Variants in LARP1B observed in about 807,000 individuals in gnomAD.
LARP1B encodes the protein la-related protein 1B.
In LARP1B, 76 loss-of-function variants were observed where a neutral mutation model predicts 114.2. The observed-to-expected ratio is 0.67, with a 90% CI of 0.55 to 0.81. LARP1B has a LOEUF of 0.81. Among genes scored for constraint, LARP1B ranks in the 30% least tolerant of loss-of-function variants. The pLI, the probability that LARP1B is intolerant of heterozygous loss-of-function variation, is 0.00. For missense variants in LARP1B, 1,014 were observed against 1,075.8 expected (o/e 0.94, Z 0.80); for synonymous variants, 345 against 348.0 (o/e 0.99, Z 0.10).
chr4:128,158,752 A>C (rs902078414), intron 11 of LARP1B, among the ~76,000 whole-genome samples: 15 of 152,170 alleles, frequency 9.9e-5, no homozygotes, highest in African/African-American at 3.6e-4. Flanking sequence ...CTTTTTCTGA[A>C]TATTTATTTT....
At chr4:128,213,463 G>T (rs1759252926), downstream of LARP1B, among the ~76,000 whole-genome samples, 1 of 151,814 alleles carries the variant, frequency 6.6e-6, no homozygotes, top group Admixed American at 6.6e-5. Context: ...TTCTAATTTT[G>T]CTTATGTATG....
chr4:128,155,785 C>A, intron 11 of LARP1B: 1 of 1,596,682 alleles, frequency 6.3e-7, no homozygotes, highest in Non-Finnish European at 8.6e-7. Context: ...GACTGACTTC[C>A]TGCAGGCGGA....
chr4:128,137,332 G>C (rs1725797667), intron 11 of LARP1B, among the ~76,000 whole-genome samples: 3 of 152,242 alleles, frequency 2.0e-5, no homozygotes, highest in South Asian at 4.1e-4. Flanking sequence ...TTACAGCTCT[G>C]TATATTTGGT....
chr4:128,086,334 A>G (rs971931267), intron 5 of LARP1B, among the ~76,000 whole-genome samples: 2 of 150,572 alleles, frequency 1.3e-5, no homozygotes, highest in East Asian at 4.0e-4. Flanking sequence ...TGGCATTTGC[A>G]TGTTCCTTTT....
intron 11 of LARP1B, among the ~76,000 whole-genome samples, chr4:128,141,299 C>A (rs1425220586): frequency 6.6e-6 from 1 of 152,158 alleles, no homozygotes; most frequent in African/African-American, 2.4e-5. Flanking sequence ...CGTCTGGGCT[C>A]ATGAGCTCAG....
intron 10 of LARP1B, among the ~76,000 whole-genome samples, chr4:128,115,127 G>C (rs370046487): frequency 6.6e-6 from 1 of 152,018 alleles, no homozygotes; most frequent in Non-Finnish European, 1.5e-5. Flanking sequence ...TAGTAGAGAC[G>C]GGGTTTCACC....
Position 128,091,331 on chromosome 4 carries a change from CTTTA to C in LARP1B, c.503-13_503-10del, listed in dbSNP as rs774073043. The C allele has an allele frequency of 6.3e-7, 1 of 1,594,506 alleles. No homozygotes were observed. The highest frequency in any genetic ancestry group is 1.8e-5 in the Admixed American group (1 of 56,690). ...CTAATATGTGATTACCTTTCTTTTT[CTTTA>C]TTCACATCAAGTGAACTTTGATTAT... is the stretch of plus-strand genomic sequence containing the variant. On this transcript the variant is annotated splice_polypyrimidine_tract_variant and intron_variant, in intron 6 of 19. Coordinates refer to ENST00000326639, the MANE Select transcript of LARP1B (RefSeq NM_018078.4).
Position 128,156,298 on chromosome 4 carries a change from C to A in LARP1B, c.1525-5896C>A, listed in dbSNP as rs527312450. On this transcript the variant is annotated intron_variant, in intron 11 of 19. Transcript: ENST00000326639. ...AGCTGGCCTGGACAGTATCCCATAC[C>A]CAACTCCAGCAGCTGCTTCTCCATC... The A allele has an allele frequency of 8.0e-5, 60 of 747,328 alleles. No homozygotes were observed. In the East Asian group the frequency reaches 1.5e-3, roughly 18 times the overall value. The allele number at this position is 747,328 out of a possible 1,614,324, so 46.3% of individuals were successfully genotyped here.
Position 128,207,349 on chromosome 4 carries a change from G to T in LARP1B, c.2513G>T (p.Cys838Phe). ...SIDPKLQEYLCSFKRLEDFRV... is the reference protein window; with the variant it reads ...SIDPKLQEYLFSFKRLEDFRV... ...GACCCAAAACTTCAGGAATACCTCT[G>T]TAGTTTTAAGAGGTTAGAAGACTTC... The change falls in exon 19 of 20, where the codon TGT becomes TTT. Residue 838 changes from cysteine to phenylalanine, a missense_variant. Transcript: ENST00000326639. 6.5e-7 allele frequency: 1 copy of T among 1,549,762 alleles called. No individual in the cohort carries two copies. The highest frequency in any genetic ancestry group is 1.3e-5 in the South Asian group (1 of 78,154).
At chr4:128,163,613 A>G (rs1739469310) in intron 12 of LARP1B, among the ~76,000 whole-genome samples, 1 of 152,190 alleles carries the variant, frequency 6.6e-6, no homozygotes, top group Non-Finnish European at 1.5e-5. Context: ...AAAGTGAGTC[A>G]GTGCTGAATT....
rs963477483 is a variant in LARP1B at position 128,147,990 on chromosome 4, A to G, written c.1525-14204A>G. Among the ~76,000 whole-genome samples the G allele has an allele frequency of 3.9e-5, 6 of 152,234 alleles. No individual in the cohort carries two copies. The South Asian group carries it at 1.2e-3, about 31-fold the overall frequency. ...ATTGATTATCTAATGAGAGCTAAGT[A>G]TGTGAATTATCTAACAGAGTTCAAT... is the stretch of plus-strand genomic sequence containing the variant. On this transcript the variant is annotated intron_variant, in intron 11 of 19. Coordinates refer to ENST00000326639, the MANE Select transcript of LARP1B (RefSeq NM_018078.4).
chr4:128,214,153 C>T (rs1390231131), downstream of LARP1B, among the ~76,000 whole-genome samples: 4 of 140,414 alleles, frequency 2.8e-5, no homozygotes, highest in Non-Finnish European at 4.7e-5. Context: ...GAGGGTCCTA[C>T]GCCCACGGAA....
intron 15 of LARP1B, among the ~76,000 whole-genome samples, chr4:128,193,843 C>T (rs192366268): frequency 3.5e-4 from 54 of 152,256 alleles, no homozygotes; most frequent in African/African-American, 1.3e-3. Context: ...GTCGTGAATT[C>T]CTGACCTCAG....
chr4:128,140,824 G>GTTTTTTTT lies in LARP1B; in HGVS notation c.1524+18640_1524+18647dup, dbSNP rs773635049. 8.0e-4 allele frequency among the ~76,000 whole-genome samples: 111 copies of GTTTTTTTT among 138,618 alleles called. 1 individual carries two copies. Among genetic ancestry groups the GTTTTTTTT allele is most frequent in the East Asian group, 2.5e-3 (12 of 4,814 alleles). 90.9% of individuals were successfully genotyped at this position (138,618 alleles called of 152,430 possible). A position where few individuals can be genotyped will look rare whatever the true frequency, so the allele number is the denominator to read the frequency against. On this transcript the variant is annotated intron_variant, in intron 11 of 19. Transcript: ENST00000326639. ...AAGTCAAGGTAGGTTAATTGTCTCT[G>GTTTTTTTT]TTTTTTTTTTTGGCAGAGTCTTGCT...
intron 15 of LARP1B, among the ~76,000 whole-genome samples, chr4:128,192,824 GTTTC>G (rs1163248323): frequency 4.0e-5 from 6 of 150,346 alleles, no homozygotes; most frequent in Non-Finnish European, 5.9e-5. Context: ...TTCTCTGTTT[GTTTC>G]TTTGTTTTTT....
At chr4:128,125,103 T>C (rs1480358074) in intron 11 of LARP1B, among the ~76,000 whole-genome samples, 1 of 152,194 alleles carries the variant, frequency 6.6e-6, no homozygotes, top group Non-Finnish European at 1.5e-5. Flanking sequence ...CTGCTTAAAA[T>C]CTTTGAAGAT....
At chr4:128,191,749 T>C (rs1023488702) in intron 15 of LARP1B, among the ~76,000 whole-genome samples, 5 of 151,724 alleles carry the variant, frequency 3.3e-5, no homozygotes, top group African/African-American at 1.2e-4. Flanking sequence ...GCCTTCATGA[T>C]TTTTTTTTCT....
intron 3 of LARP1B, among the ~76,000 whole-genome samples, chr4:128,077,195 C>T (rs1012848580): frequency 1.3e-5 from 2 of 152,110 alleles, no homozygotes; most frequent in Admixed American, 6.6e-5. Flanking sequence ...TGTGATCAAT[C>T]TGCCCATTTA....
chr4:128,144,566 C>A (rs900680212), intron 11 of LARP1B, among the ~76,000 whole-genome samples: 2 of 151,892 alleles, frequency 1.3e-5, no homozygotes, highest in Non-Finnish European at 2.9e-5. Context: ...AAATCCTAGG[C>A]TCAAGTGATC....
Sources: gnomAD v4.1 joint callset for allele counts (sites outside exome capture counted in the v4.1 genomes callset) on GRCh38, gnomAD v4.1.1 for gene constraint, MANE v1.5 for transcripts, NCBI Gene and HGNC (gene_info 2026-07-23, HGNC 2026-07-21) for gene names.